The following ARFGEF1 variants were observed in gnomAD, a reference collection of about 807,000 sequenced individuals.
ARFGEF1 encodes the protein brefeldin A-inhibited guanine nucleotide-exchange protein 1.
A neutral mutation model predicts 231.0 loss-of-function variants in ARFGEF1; 42 were observed. The ratio of observed to expected loss-of-function variants is 0.18; its 90% CI spans 0.14 to 0.24. ARFGEF1 has a LOEUF of 0.24. Ranked by LOEUF, ARFGEF1 falls within the 10% of genes least tolerant of loss-of-function variation. The probability of loss-of-function intolerance (pLI) is 1.00; values close to 1 mark genes in which losing one functional copy is unlikely to be tolerated. For synonymous variants in ARFGEF1, 710 were observed against 732.3 expected, an observed-to-expected ratio of 0.97 and a Z score of 0.49; for missense variants, 1,345 against 2,192.0, an observed-to-expected ratio of 0.61 and a Z score of 7.72.
At chr8:67,327,029 T>C (rs1212272228) in intron 1 of ARFGEF1, among the ~76,000 whole-genome samples, 7 of 152,174 alleles carry the variant, frequency 4.6e-5, no homozygotes, top group Non-Finnish European at 8.8e-5. Context: ...TTAGGCATAC[T>C]CCAAGCAATA....
chr8:67,219,248 T>A (rs1479624622), intron 30 of ARFGEF1, among the ~76,000 whole-genome samples, 183 bp downstream of exon 30: 1 of 152,264 alleles, frequency 6.6e-6, no homozygotes, highest in Admixed American at 6.5e-5. Context: ...ATTACAGGCG[T>A]GAGCCACTGC....
chr8:67,302,901 T>C (rs547987048), intron 1 of ARFGEF1, among the ~76,000 whole-genome samples: 36 of 89,112 alleles, frequency 4.0e-4, no homozygotes, highest in Middle Eastern at 0.016. Flanking sequence ...AAAGACCCCA[T>C]CTCTTAAAAA....
downstream of ARFGEF1, chr8:67,193,512 A>G (rs1837007248): frequency 6.2e-7 from 1 of 1,612,890 alleles, no homozygotes; most frequent in Non-Finnish European, 8.5e-7. Flanking sequence ...TCTAAAATCT[A>G]TATCCAGTGT....
intron 1 of ARFGEF1, among the ~76,000 whole-genome samples, chr8:67,338,411 A>G (rs1375517163): frequency 6.6e-6 from 1 of 152,234 alleles, no homozygotes; most frequent in Non-Finnish European, 1.5e-5. Context: ...GTTAGCAAAC[A>G]ATGAAAAAGG....
intron 9 of ARFGEF1, among the ~76,000 whole-genome samples, chr8:67,272,346 T>G (rs1264036207): frequency 6.6e-6 from 1 of 152,014 alleles, no homozygotes; most frequent in Non-Finnish European, 1.5e-5. Context: ...TTTTGTATTT[T>G]TAGTAGAGAT....
chr8:67,342,739 T>G (rs1808701685), intron 1 of ARFGEF1, among the ~76,000 whole-genome samples: 1 of 152,176 alleles, frequency 6.6e-6, no homozygotes, highest in Non-Finnish European at 1.5e-5. Context: ...TTATTGTTAA[T>G]TATGATACGG....
intron 7 of ARFGEF1, among the ~76,000 whole-genome samples, chr8:67,282,378 C>T (rs1805570555): frequency 6.6e-6 from 1 of 151,782 alleles, no homozygotes; most frequent in South Asian, 2.1e-4. Context: ...AAAAATAAAT[C>T]TGAGATGAAT....
chr8:67,211,648 G>T, intron 33 of ARFGEF1, 33 bp from the exon 34 acceptor site: 1 of 1,293,346 alleles, frequency 7.7e-7, no homozygotes. Flanking sequence ...CTGTAAGTAT[G>T]GTTAATAAAG....
At chr8:67,195,387 G>GA (rs1192259276), downstream of ARFGEF1, 1 of 1,613,270 alleles carries the variant, frequency 6.2e-7, no homozygotes. Flanking sequence ...TGTAGATGAT[G>GA]AGAGTTCACT....
chr8:67,271,540 G>A (rs927010958), intron 10 of ARFGEF1, among the ~76,000 whole-genome samples, 162 bp downstream of exon 10: 9 of 152,004 alleles, frequency 5.9e-5, no homozygotes, highest in South Asian at 2.1e-4. Context: ...CTAGTACTTC[G>A]TTGGCACATA....
chr8:67,235,479 T>C (rs1363186080), intron 22 of ARFGEF1, among the ~76,000 whole-genome samples: 1 of 152,222 alleles, frequency 6.6e-6, no homozygotes, highest in African/African-American at 2.4e-5. Context: ...GAATACTCTC[T>C]GAACATTTAT....
chr8:67,310,771 C>G (rs1587285434), intron 1 of ARFGEF1, among the ~76,000 whole-genome samples: 1 of 150,794 alleles, frequency 6.6e-6, no homozygotes, highest in African/African-American at 2.4e-5. Flanking sequence ...AGGTGAGGAG[C>G]GTCTCTGCCC....
Position 67,186,625 on chromosome 8 carries a change from TG to T in ARFGEF1, c.561-11054del, listed in dbSNP as rs1295782373. Among the ~76,000 whole-genome samples, 26 of 152,308 alleles carry T rather than the reference TG, an allele frequency of 1.7e-4. 1 individual carries two copies. The highest frequency in any genetic ancestry group is 2.1e-4 in the Non-Finnish European group (14 of 68,018). On this transcript the variant is annotated intron_variant, in intron 5 of 5. Transcript: ENST00000518789. ...AGAAGCTTTCCTGCTAAGATCAGGA[TG>T]TCCTTTCTCACCACTGATTAACATC...
intron 29 of ARFGEF1, among the ~76,000 whole-genome samples, chr8:67,220,516 C>T (rs1839110233): frequency 6.6e-6 from 1 of 152,212 alleles, no homozygotes; most frequent in South Asian, 2.1e-4. Context: ...GGTAAAATAA[C>T]ATTACAATAC....
chr8:67,183,864 TTTTTTTTA>T, intron 5 of ARFGEF1, among the ~76,000 whole-genome samples: 1 of 148,852 alleles, frequency 6.7e-6, no homozygotes, highest in African/African-American at 2.5e-5. Flanking sequence ...TTTTTTTTTT[TTTTTTTTA>T]GACAAAGTCT....
At chr8:67,216,772 T>C (rs1838950313) in intron 32 of ARFGEF1, 110 bp from the exon 33 acceptor site, 1 of 731,346 alleles carries the variant, frequency 1.4e-6, no homozygotes, top group Non-Finnish European at 2.1e-6. Context: ...AACTAAACAG[T>C]CCATCTTTGA....
chr8:67,267,040 T>C (rs969243885), intron 12 of ARFGEF1, 51 bp downstream of exon 12: 2 of 1,609,922 alleles, frequency 1.2e-6, no homozygotes, highest in Non-Finnish European at 8.5e-7. Context: ...GGAAAACACA[T>C]GACTCTTTCC....
At chr8:67,301,144 G>T in intron 3 of ARFGEF1, 80 bp downstream of exon 3, 1 of 1,313,314 alleles carries the variant, frequency 7.6e-7, no homozygotes. Context: ...TCATGGAAAT[G>T]TCTGAATCAT....
intron 19 of ARFGEF1, among the ~76,000 whole-genome samples, chr8:67,247,861 T>C (rs1252400441): frequency 6.6e-6 from 1 of 150,488 alleles, no homozygotes; most frequent in East Asian, 1.9e-4. Context: ...TCAGTAAAGC[T>C]GCAGGATACA....
Sources: gnomAD v4.1 joint callset for allele counts (sites outside exome capture counted in the v4.1 genomes callset) on GRCh38, gnomAD v4.1.1 for gene constraint, MANE v1.5 for transcripts, NCBI Gene and HGNC (gene_info 2026-07-23, HGNC 2026-07-21) for gene names.